Variants in ARRB1 observed in about 807,000 individuals in gnomAD.
ARRB1 encodes arrestin beta 1.
A neutral mutation model predicts 56.8 loss-of-function variants in ARRB1; 21 were observed. The observed-to-expected ratio is 0.37, with a 90% CI of 0.26 to 0.53. The LOEUF (loss-of-function observed/expected upper bound fraction) is 0.53, where lower values mean the gene tolerates loss of function less well. Among genes scored for constraint, ARRB1 ranks in the 20% least tolerant of loss-of-function variants. The pLI is 0.88. For synonymous variants in ARRB1, 210 were observed against 218.6 expected, an observed-to-expected ratio of 0.96 and a Z score of 0.35; for missense variants, 424 against 553.7, an observed-to-expected ratio of 0.77 and a Z score of 2.35.
At chr11:75,300,741 C>A (rs1239043821) in intron 1 of ARRB1, among the ~76,000 whole-genome samples, 1 of 148,644 alleles carries the variant, frequency 6.7e-6, no homozygotes, top group Non-Finnish European at 1.5e-5. Context: ...CCGAGGCGGG[C>A]GGATCACGAG....
At chr11:75,283,964 A>C (rs1274162868) in intron 4 of ARRB1, among the ~76,000 whole-genome samples, 1 of 149,238 alleles carries the variant, frequency 6.7e-6, no homozygotes, top group Non-Finnish European at 1.5e-5. Context: ...TGTTCTGTTA[A>C]AGAAGAACCT....
At chr11:75,306,604 C>G in intron 1 of ARRB1, 2 of 1,289,186 alleles carry the variant, frequency 1.6e-6, no homozygotes, top group Non-Finnish European at 2.0e-6. Context: ...GAGGCCAGCC[C>G]AGAAGCAGCG....
intron 13 of ARRB1, chr11:75,269,202 G>A: frequency 1.4e-6 from 1 of 720,370 alleles, no homozygotes; most frequent in East Asian, 2.7e-5. Context: ...AAGGCTCTCT[G>A]GGTTCCCACG....
chr11:75,291,720 G>C (rs1849995291), intron 1 of ARRB1, among the ~76,000 whole-genome samples: 1 of 152,144 alleles, frequency 6.6e-6, no homozygotes, highest in Non-Finnish European at 1.5e-5. Context: ...GAGGGGGTTG[G>C]GGAAGAGAGG....
intron 15 of ARRB1, among the ~76,000 whole-genome samples, chr11:75,267,138 C>A (rs1343405589): frequency 6.6e-6 from 1 of 152,220 alleles, no homozygotes; most frequent in African/African-American, 2.4e-5. Context: ...AGCAAGAAAG[C>A]CACTTGGACC....
Position 75,287,375 on chromosome 11 carries a change from G to A in ARRB1, c.52C>T (p.Leu18Phe). 1.9e-6 allele frequency: 3 copies of A among 1,559,356 alleles called. No individual in the cohort carries two copies. The highest frequency in any genetic ancestry group is 2.6e-6 in the Non-Finnish European group (3 of 1,151,150). Residue 18 changes from leucine to phenylalanine, a missense_variant and splice_region_variant, in exon 3 of 16, where the codon CTC (leucine) becomes TTC (phenylalanine). Physicochemically the swap from Leu to Phe is conservative, Grantham distance 22. This residue lies in a region of ARRB1 where 301 missense variants were observed against 387.9 expected (regional missense o/e 0.78). Coordinates refer to ENST00000420843, the MANE Select transcript of ARRB1 (RefSeq NM_004041.5). ...VFKKASPNGK[L>F]TVYLGKRDFV... The stretch of plus-strand genomic sequence containing the variant: ...TCCCGCTTTCCCAGGTAGACGGTGA[G>A]CTGAGGAGGAGAGGCATAGGGGGCG...
At chr11:75,267,384 A>G (rs1945946930) in intron 15 of ARRB1, among the ~76,000 whole-genome samples, 2 of 152,132 alleles carry the variant, frequency 1.3e-5, no homozygotes, top group African/African-American at 4.8e-5. Flanking sequence ...GGCGCTGTGG[A>G]TGGACGAACG....
chr11:75,350,412 G>A (rs758612410), intron 1 of ARRB1, among the ~76,000 whole-genome samples: 4 of 152,218 alleles, frequency 2.6e-5, no homozygotes, highest in Non-Finnish European at 5.9e-5. Context: ...GAATAGAAGA[G>A]AAAGACAGAA....
chr11:75,295,433 T>C (rs1946717820), intron 1 of ARRB1, among the ~76,000 whole-genome samples: 1 of 152,086 alleles, frequency 6.6e-6, no homozygotes, highest in African/African-American at 2.4e-5. Context: ...CCCCTGCTTC[T>C]ATCTTCAAAG....
chr11:75,284,436 C>T (rs1946426645), intron 3 of ARRB1, 157 bp from the exon 4 acceptor site: 1 of 603,862 alleles, frequency 1.7e-6, no homozygotes, highest in Admixed American at 3.3e-5. Context: ...GCACTGCCCA[C>T]CTCCACCACG....
chr11:75,269,042 G>T, intron 13 of ARRB1, 83 bp from the exon 14 acceptor site: 1 of 1,459,474 alleles, frequency 6.9e-7, no homozygotes, highest in Non-Finnish European at 9.5e-7. Context: ...TCAGTCCGAG[G>T]ACTGCAGAGG....
intron 5 of ARRB1, among the ~76,000 whole-genome samples, chr11:75,282,380 T>C (rs1211491477): frequency 3.3e-5 from 5 of 152,198 alleles, no homozygotes. Context: ...GGCCTTGAGA[T>C]GGGGACCGTA....
chr11:75,289,962 A>G (rs780642354), intron 2 of ARRB1, 47 bp downstream of exon 2: 3 of 1,613,586 alleles, frequency 1.9e-6, no homozygotes, highest in East Asian at 2.2e-5. Flanking sequence ...GAAAATGACC[A>G]GAGTGTGAGG....
intron 4 of ARRB1, 35 bp downstream of exon 4, chr11:75,284,200 C>A: frequency 6.3e-7 from 1 of 1,585,224 alleles, no homozygotes; most frequent in Non-Finnish European, 8.6e-7. Context: ...GAGGAGGCGG[C>A]CCTTGACAGG....
intron 13 of ARRB1, chr11:75,269,161 A>C: frequency 2.7e-6 from 2 of 741,872 alleles, no homozygotes; most frequent in Non-Finnish European, 4.9e-6. Flanking sequence ...CTCTGGTCCC[A>C]AAAAGAAATG....
chr11:75,326,396 A>G (rs1166642985), intron 1 of ARRB1, among the ~76,000 whole-genome samples: 1 of 152,230 alleles, frequency 6.6e-6, no homozygotes, highest in African/African-American at 2.4e-5. Context: ...CACTTTACAA[A>G]TATTAACTCA....
At chr11:75,305,426 C>T (rs1461114437) in intron 1 of ARRB1, among the ~76,000 whole-genome samples, 1 of 152,168 alleles carries the variant, frequency 6.6e-6, no homozygotes, top group African/African-American at 2.4e-5. Flanking sequence ...TTTATGCCTA[C>T]TATACCTGTA....
intron 7 of ARRB1, among the ~76,000 whole-genome samples, chr11:75,279,342 T>C (rs1052236913): frequency 2.6e-5 from 4 of 151,794 alleles, no homozygotes; most frequent in African/African-American, 9.7e-5. Context: ...TGCAAGCCAG[T>C]GAAGGGGACA....
chr11:75,344,024 C>T, intron 1 of ARRB1, among the ~76,000 whole-genome samples: 1 of 152,124 alleles, frequency 6.6e-6, no homozygotes, highest in East Asian at 1.9e-4. Context: ...ACCGTGTTAG[C>T]CAGGATGGTC....
Sources: gnomAD v4.1 joint callset for allele counts (sites outside exome capture counted in the v4.1 genomes callset) on GRCh38, gnomAD v4.1.1 for gene constraint, gnomAD v4.1.1 regional missense constraint, MANE v1.5 for transcripts, NCBI Gene and HGNC (gene_info 2026-07-23, HGNC 2026-07-21) for gene names.